TMEM161A: variants seen among roughly 807,000 people sequenced by gnomAD.
The protein encoded by TMEM161A is adaptive response to oxidative stress protein 29.
Under a neutral mutation model 57.1 loss-of-function variants are expected in TMEM161A, and 46 were observed. That is an observed-to-expected ratio of 0.81 (90% CI 0.64 to 1.03). The LOEUF (loss-of-function observed/expected upper bound fraction) is 1.03. Among genes scored for constraint, TMEM161A ranks in the 50% least tolerant of loss-of-function variants. The probability of loss-of-function intolerance (pLI) is 0.00; values close to 1 mark genes in which losing one functional copy is unlikely to be tolerated. For missense variants in TMEM161A, 601 were observed against 621.5 expected (o/e 0.97, Z 0.35); for synonymous variants, 288 against 279.0 (o/e 1.03, Z -0.32).
chr19:19,130,628 C>A, intron 5 of TMEM161A: 1 of 319,086 alleles, frequency 3.1e-6, no homozygotes. Flanking sequence ...GCTTCATCTC[C>A]AATCTGCTGT....
At chr19:19,130,839 C>T (rs2059955147) in intron 5 of TMEM161A, among the ~76,000 whole-genome samples, 1 of 152,152 alleles carries the variant, frequency 6.6e-6, no homozygotes, top group South Asian at 2.1e-4. Context: ...GGGAGGATCG[C>T]TTGAGCCCAG....
chr19:19,136,063 G>T (rs1390653093), intron 1 of TMEM161A, among the ~76,000 whole-genome samples: 2 of 150,872 alleles, frequency 1.3e-5, no homozygotes, highest in Non-Finnish European at 2.9e-5. Context: ...TCTTAATTCA[G>T]AACACATTTT....
chr19:19,136,098 A>G (rs1246416314), intron 1 of TMEM161A, among the ~76,000 whole-genome samples: 3 of 151,684 alleles, frequency 2.0e-5, no homozygotes, highest in Non-Finnish European at 4.4e-5. Flanking sequence ...TAAACGTTTT[A>G]GAAGAATCAG....
intron 2 of TMEM161A, among the ~76,000 whole-genome samples, chr19:19,133,881 T>G (rs1006159921): frequency 2.6e-4 from 39 of 152,124 alleles, no homozygotes; most frequent in African/African-American, 9.4e-4. Flanking sequence ...ACGATCCTCC[T>G]GCCTCAGACT....
Position 19,121,646 on chromosome 19 carries a change from T to C in TMEM161A, c.679A>G (p.Ile227Val), listed in dbSNP as rs761544241. 1.2e-6 allele frequency: 2 copies of C among 1,613,832 alleles called. No homozygotes were observed. Among genetic ancestry groups the C allele is most frequent in the South Asian group, 2.2e-5 (2 of 91,084 alleles). The part of the protein sequence containing the change: ...DWALPVAKLA[I>V]RVGLAVVGSV... ...CCCACCACTGCCAGTCCCACGCGGA[T>C]AGCCAGCTTGGCCACAGGAAGCCTA... The change falls in exon 8 of 12, where the codon ATC (isoleucine) becomes GTC (valine). Residue 227 changes from isoleucine to valine, a missense_variant. Coordinates refer to ENST00000162044, the MANE Select transcript of TMEM161A (RefSeq NM_017814.3). The surrounding 1 kb of genome is among the most constrained non-coding windows in gnomAD (Gnocchi z 5.8).
chr19:19,134,653 A>G (rs546273669), intron 2 of TMEM161A, 131 bp downstream of exon 2: 171 of 632,608 alleles, frequency 2.7e-4, no homozygotes, highest in African/African-American at 2.5e-3. Flanking sequence ...CTTCAATTAC[A>G]CCTCAACAAC....
In TMEM161A at chr19:19,119,211, G is replaced by C. The variant is rs1177377720; in HGVS notation, c.*719C>G. 1.4e-5 allele frequency: 2 copies of C among 147,428 alleles called. No individual in the cohort carries two copies. Among genetic ancestry groups the C allele is most frequent in the African/African-American group, 5.0e-5 (2 of 39,748 alleles). The allele number at this position is 147,428 out of a possible 1,614,324, so 9.1% of individuals were successfully genotyped here. A position where few individuals can be genotyped will look rare whatever the true frequency, so the allele number is the denominator to read the frequency against. On this transcript the variant is annotated 3_prime_UTR_variant, in exon 12 of 12. Coordinates refer to ENST00000162044, the MANE Select transcript of TMEM161A (RefSeq NM_017814.3). ...TGTCACCCAGGCTGGAGTGTGATGC[G>C]ATCTCGGCTCACTGCAGCCTCCACC...
chr19:19,120,856 G>A lies in TMEM161A; in HGVS notation c.1095C>T (p.Val365=), dbSNP rs765319039. The A allele has an allele frequency of 5.0e-6, 8 of 1,613,316 alleles. No individual in the cohort carries two copies. Among genetic ancestry groups the A allele is most frequent in the Non-Finnish European group, 6.8e-6 (8 of 1,179,992 alleles). ...CCACGGTCACATAGCAGTAGACTCG[G>A]ACCACCTGTGGGCAGGTAGCAGGGG... is the stretch of plus-strand genomic sequence containing the variant. ...IEAREIQQRV[V]RVYCYVTVVS... Residue 365 remains valine, a synonymous_variant, in exon 11 of 12, where the codon GTC becomes GTT. Coordinates refer to ENST00000162044, the MANE Select transcript of TMEM161A (RefSeq NM_017814.3).
Position 19,119,614 on chromosome 19 carries a change from C to T in TMEM161A, c.*316G>A, listed in dbSNP as rs1355085611. On this transcript the variant is annotated 3_prime_UTR_variant, in exon 12 of 12. Coordinates refer to ENST00000162044, the MANE Select transcript of TMEM161A (RefSeq NM_017814.3). ...GCCCGAGTCCCAAACCACTCAGACC[C>T]TGTTTGTAAAAATCGGCATGCTCCT... 1 of 372,302 alleles carries T rather than the reference C, an allele frequency of 2.7e-6. No individual in the cohort carries two copies. The highest frequency in any genetic ancestry group is 5.4e-5 in the East Asian group (1 of 18,352). 23.1% of individuals were successfully genotyped at this position (372,302 alleles called of 1,614,324 possible). A position where few individuals can be genotyped will look rare whatever the true frequency, so the allele number is the denominator to read the frequency against.
chr19:19,134,082 T>G (rs573261426), intron 2 of TMEM161A, among the ~76,000 whole-genome samples: 2 of 151,484 alleles, frequency 1.3e-5, no homozygotes, highest in Non-Finnish European at 2.9e-5. Flanking sequence ...TTTGTTTTTG[T>G]CACATACATT....
At chr19:19,131,907 T>C (rs549946107) in intron 5 of TMEM161A, among the ~76,000 whole-genome samples, 4 of 152,316 alleles carry the variant, frequency 2.6e-5, no homozygotes, top group Admixed American at 2.6e-4. Context: ...GTGATCCGCC[T>C]GCCTCAGCTT....
chr19:19,127,004 G>A (rs967706510), intron 6 of TMEM161A, among the ~76,000 whole-genome samples: 23 of 152,086 alleles, frequency 1.5e-4, no homozygotes, highest in South Asian at 4.2e-4. Flanking sequence ...TGGAGATCAC[G>A]CCACCACTGC....
chr19:19,131,548 G>A (rs1317014284), intron 5 of TMEM161A, among the ~76,000 whole-genome samples: 1 of 151,474 alleles, frequency 6.6e-6, no homozygotes, highest in Non-Finnish European at 1.5e-5. Flanking sequence ...TTGGGGGGAT[G>A]TAGTTTCGCT....
chr19:19,125,697 T>C (rs1249409398), intron 6 of TMEM161A, among the ~76,000 whole-genome samples: 1 of 151,882 alleles, frequency 6.6e-6, no homozygotes, highest in Admixed American at 6.6e-5. Context: ...TTTGTATTTT[T>C]AGTAGAGACG....
chr19:19,132,492 C>T lies in TMEM161A; in HGVS notation c.303G>A (p.Leu101=). Residue 101 remains leucine, a synonymous_variant, in exon 5 of 12, where the codon CTG becomes CTA. Coordinates refer to ENST00000162044, the MANE Select transcript of TMEM161A (RefSeq NM_017814.3). The surrounding 1 kb of genome is among the most constrained non-coding windows in gnomAD (Gnocchi z 4.3). The stretch of plus-strand genomic sequence containing the variant: ...CAAAGTCCACAAACCACTGGTACTC[C>T]AGGAAGAAGCGCAGGACTGTGGGGG... ...TVDALVLRFF[L]EYQWFVDFAV... 8 of 1,613,888 alleles carry T rather than the reference C, an allele frequency of 5.0e-6. No homozygotes were observed. The highest frequency in any genetic ancestry group is 6.8e-6 in the Non-Finnish European group (8 of 1,179,844).
rs867377143 is a variant in TMEM161A, at chr19:19,121,131, C to T, written c.950G>A (p.Trp317Ter). The change falls in exon 10 of 12, where the codon TGG becomes TAG. Residue 317 changes from tryptophan to a stop codon, truncating the protein, a stop_gained. Coordinates refer to ENST00000162044, the MANE Select transcript of TMEM161A (RefSeq NM_017814.3). LOFTEE classifies it high-confidence loss of function. This position sits in a 1 kb window ranked among gnomAD's most constrained non-coding sequence, Gnocchi z 5.8. ...CAGCAGGCACAGCACCACCAGCAAC[C>T]AGAGGCGCCCAGAGTCGAAGGCAGA... is the stretch of plus-strand genomic sequence containing the variant. Reference protein sequence around the residue: ...SDSAFDSGRLWLLVVLCLLRL... With the variant: ...SDSAFDSGRL 1.9e-6 allele frequency: 3 copies of T among 1,610,232 alleles called. No homozygotes were observed. Among genetic ancestry groups the T allele is most frequent in the African/African-American group, 1.3e-5 (1 of 74,910 alleles).
intron 6 of TMEM161A, among the ~76,000 whole-genome samples, chr19:19,128,228 C>CTTTTTT (rs531458159): frequency 8.3e-6 from 1 of 120,756 alleles, no homozygotes. Context: ...TCTAAATAGA[C>CTTTTTT]TTTTTTTTTT....
chr19:19,126,972 G>C (rs960888260), intron 6 of TMEM161A, among the ~76,000 whole-genome samples: 1 of 82,904 alleles, frequency 1.2e-5, no homozygotes, highest in Admixed American at 1.4e-4. Flanking sequence ...ACTTGAATCC[G>C]GGAGGCAAAG....
chr19:19,131,507 TACACACACACACAC>T (rs58481745), intron 5 of TMEM161A, among the ~76,000 whole-genome samples: 13 of 144,836 alleles, frequency 9.0e-5, no homozygotes, highest in Non-Finnish European at 3.0e-5. Flanking sequence ...TATATATATA[TACACACACACACAC>T]ACACACACAC....
Sources: allele counts gnomAD v4.1 joint callset (sites outside exome capture counted in the v4.1 genomes callset), GRCh38; gene constraint gnomAD v4.1.1; non-coding constraint Gnocchi (gnomAD v3.1); transcripts MANE v1.5; gene names NCBI Gene and HGNC (gene_info 2026-07-23, HGNC 2026-07-21).